Variants in C2CD3 observed in about 807,000 individuals in gnomAD.
The protein encoded by C2CD3 is C2 domain containing 3 centriole elongation regulator, also known as C2 domain-containing protein 3.
Under a neutral mutation model 234.0 loss-of-function variants are expected in C2CD3, and 148 were observed. The observed-to-expected ratio is 0.63, with a 90% CI of 0.55 to 0.72. The LOEUF (loss-of-function observed/expected upper bound fraction) is 0.72, where lower values mean the gene tolerates loss of function less well. Among genes scored for constraint, C2CD3 ranks in the 30% least tolerant of loss-of-function variants. The probability of loss-of-function intolerance (pLI) is 0.00; values close to 1 mark genes in which losing one functional copy is unlikely to be tolerated. For missense variants in C2CD3, 2,577 were observed against 2,811.5 expected (o/e 0.92, Z 1.89); for synonymous variants, 1,000 against 1,035.4 (o/e 0.97, Z 0.66).
intron 7 of C2CD3, among the ~76,000 whole-genome samples, chr11:74,127,215 C>A (rs574663221): frequency 1.3e-5 from 2 of 152,326 alleles, no homozygotes; most frequent in Non-Finnish European, 2.9e-5. Context: ...CCCTGTTGCC[C>A]AGGCTGGTCT....
At chr11:74,124,628 A>G (rs1957342751) in intron 7 of C2CD3, among the ~76,000 whole-genome samples, 1 of 152,188 alleles carries the variant, frequency 6.6e-6, no homozygotes, top group Non-Finnish European at 1.5e-5. Context: ...AGGTCAGAAC[A>G]GCTTCCTAAC....
At chr11:74,036,113 G>A (rs1952733137) in intron 30 of C2CD3, 1 of 213,090 alleles carries the variant, frequency 4.7e-6, no homozygotes, top group South Asian at 7.8e-5. Flanking sequence ...ACTCACCCTG[G>A]CCTCCCAAAG....
intron 7 of C2CD3, among the ~76,000 whole-genome samples, chr11:74,131,913 T>C (rs758467312): frequency 1.3e-5 from 2 of 152,206 alleles, no homozygotes; most frequent in African/African-American, 4.8e-5. Context: ...TCGGCACATA[T>C]TGCTTTTAAC....
chr11:74,053,073 C>G (rs1953769857), intron 26 of C2CD3, among the ~76,000 whole-genome samples: 2 of 152,226 alleles, frequency 1.3e-5, no homozygotes, highest in South Asian at 4.1e-4. Flanking sequence ...TCCAATCTTA[C>G]TAGCATGGTG....
At chr11:74,136,998 T>A (rs1957885548) in intron 5 of C2CD3, among the ~76,000 whole-genome samples, 1 of 151,414 alleles carries the variant, frequency 6.6e-6, no homozygotes, top group Non-Finnish European at 1.5e-5. Flanking sequence ...CTCCTTTCCC[T>A]TAGATCTTTA....
At chr11:74,087,186 A>T (rs920736393) in intron 20 of C2CD3, among the ~76,000 whole-genome samples, 2 of 152,248 alleles carry the variant, frequency 1.3e-5, no homozygotes, top group African/African-American at 4.8e-5. Flanking sequence ...ATTAATGTGC[A>T]TCCATACAAT....
chr11:74,082,412 G>C (rs1186462795), intron 22 of C2CD3, among the ~76,000 whole-genome samples: 2 of 152,102 alleles, frequency 1.3e-5, no homozygotes, highest in Non-Finnish European at 2.9e-5. Context: ...ACTGTGCCCG[G>C]CTGACTGTGG....
At chr11:74,143,537 A>T (rs1401719275) in intron 3 of C2CD3, among the ~76,000 whole-genome samples, 2 of 146,814 alleles carry the variant, frequency 1.4e-5, no homozygotes, top group Non-Finnish European at 3.0e-5. Context: ...TTATATATTT[A>T]TATATATATA....
In C2CD3 at chr11:74,057,477, C is replaced by G; in HGVS notation, c.5019G>C (p.Glu1673Asp). ...SCCVSFATAD[E>D]SSPVYTQVVE... is the part of the protein sequence containing the mutation. Reference sequence around the variant, plus strand: ...CCACTTGGGTGTATACAGGAGATGACTCATCGGCTGTTGCAAAGGATACAC... The same window carrying G: ...CCACTTGGGTGTATACAGGAGATGAGTCATCGGCTGTTGCAAAGGATACAC... Residue 1673 changes from glutamate to aspartate, a missense_variant, in exon 25 of 33, where the codon GAG (glutamate) becomes GAC (aspartate). Glu to Asp is a conservative substitution (Grantham distance 45, BLOSUM62 2). Transcript: ENST00000334126. 1 of 1,613,948 alleles carries G rather than the reference C, an allele frequency of 6.2e-7. No individual in the cohort carries two copies. Among genetic ancestry groups the G allele is most frequent in the Non-Finnish European group, 8.5e-7 (1 of 1,179,818 alleles).
rs765174386 is a variant in C2CD3, at chr11:74,138,833, A to G, written c.842T>C (p.Met281Thr). The G allele has an allele frequency of 3.1e-6, 5 of 1,613,964 alleles. No individual in the cohort carries two copies. The highest frequency in any genetic ancestry group is 3.4e-6 in the Non-Finnish European group (4 of 1,179,930). ...GAATTCAGAACTGTTCAGAAGGGACATCTGCTTCCGTGGAGCTCTGCCTTT... is the reference window on the plus strand; with the variant it reads ...GAATTCAGAACTGTTCAGAAGGGACGTCTGCTTCCGTGGAGCTCTGCCTTT... The part of the protein sequence containing the change: ...TLKGRAPRKQ[M>T]SLLNSSEFQP... The change falls in exon 5 of 33, where the codon ATG (methionine) becomes ACG (threonine). Residue 281 changes from methionine (M) to threonine (T), a missense_variant. By Grantham distance (81) the Met-to-Thr change is moderately conservative (BLOSUM62 -1). Coordinates refer to ENST00000334126, the MANE Select transcript of C2CD3 (RefSeq NM_001286577.2).
chr11:74,149,300 T>C (rs1489832031), intron 3 of C2CD3, among the ~76,000 whole-genome samples: 1 of 152,202 alleles, frequency 6.6e-6, no homozygotes, highest in Non-Finnish European at 1.5e-5. Flanking sequence ...ACTGATTACT[T>C]TTCCTTTCCT....
chr11:74,123,101 G>A lies in C2CD3; in HGVS notation c.1252C>T (p.Leu418=), dbSNP rs1162224639. 4 of 1,612,630 alleles carry A rather than the reference G, an allele frequency of 2.5e-6. No homozygotes were observed. The highest frequency in any genetic ancestry group is 4.5e-5 in the East Asian group (2 of 44,880). ...GATGGGGAATCTGGAGGAGAGCCTA[G>A]CCCATCCCAGAAATTGCCTTGGGAT... ...ELSQGNFWDG[L]GSPPDSPSPG... is the part of the protein sequence containing the mutation. Residue 418 remains leucine, a synonymous_variant, in exon 8 of 33, where the codon CTA becomes TTA. Transcript: ENST00000334126.
chr11:74,030,465 A>G lies in C2CD3; in HGVS notation c.6810-2067T>C, dbSNP rs528709179. Among the ~76,000 whole-genome samples, 3 of 152,258 alleles carry G rather than the reference A, an allele frequency of 2.0e-5. No individual in the cohort carries two copies. In the East Asian group the frequency reaches 5.8e-4, roughly 29 times the overall value. ...AAAACCAGTGATACATGTCAGCCAC[A>G]TTCTCCCGGACCTGTGTGCAGCGTC... On this transcript the variant is annotated intron_variant, in intron 31 of 32. Transcript: ENST00000334126.
At chr11:74,044,379 C>T (rs891585025) in intron 28 of C2CD3, among the ~76,000 whole-genome samples, 5 of 151,198 alleles carry the variant, frequency 3.3e-5, no homozygotes, top group South Asian at 4.2e-4. Context: ...CGCTTGAACC[C>T]GGGAGGTGGA....
chr11:74,060,307 A>G (rs1293893999), intron 24 of C2CD3, among the ~76,000 whole-genome samples: 1 of 152,190 alleles, frequency 6.6e-6, no homozygotes, highest in Non-Finnish European at 1.5e-5. Context: ...CTGAGAACGG[A>G]CAGACTGCCT....
intron 24 of C2CD3, among the ~76,000 whole-genome samples, chr11:74,059,952 G>A (rs551490737): frequency 2.2e-4 from 34 of 152,226 alleles, no homozygotes; most frequent in Non-Finnish European, 3.5e-4. Flanking sequence ...CTTAGCAAAC[G>A]GCACACCAGG....
intron 9 of C2CD3, among the ~76,000 whole-genome samples, chr11:74,116,901 CACGTGTATGTATATATACAT>C (rs1956965661): frequency 3.6e-5 from 4 of 110,412 alleles, no homozygotes; most frequent in African/African-American, 1.4e-4. Flanking sequence ...TATATATACA[CACGTGTATGTATATATACAT>C]ATACACGTGT....
chr11:74,116,908 A>ATGTATATATACATATACACG (rs1235557514), intron 9 of C2CD3, among the ~76,000 whole-genome samples: 1 of 119,780 alleles, frequency 8.3e-6, no homozygotes. Context: ...ACACACGTGT[A>ATGTATATATACATATACACG]TGTATATATA....
intron 3 of C2CD3, among the ~76,000 whole-genome samples, chr11:74,147,444 C>T (rs2950412): frequency 2.6e-5 from 4 of 151,506 alleles, no homozygotes; most frequent in East Asian, 3.8e-4. Context: ...ACCACAACAA[C>T]GACAACACCC....
Sources: allele counts gnomAD v4.1 joint callset (sites outside exome capture counted in the v4.1 genomes callset), GRCh38; gene constraint gnomAD v4.1.1; transcripts MANE v1.5; gene names NCBI Gene and HGNC (gene_info 2026-07-23, HGNC 2026-07-21).